Variants in IHO1 observed in about 807,000 individuals in gnomAD.
IHO1 encodes the protein interactor of HORMAD1 1.
Under a neutral mutation model 31.0 loss-of-function variants are expected in IHO1, and 13 were observed. The observed-to-expected ratio is 0.42, with a 90% confidence interval of 0.27 to 0.67. The LOEUF (loss-of-function observed/expected upper bound fraction) is 0.67, where lower values mean the gene tolerates loss of function less well. IHO1 is among the 30% of genes least tolerant of loss of function. The pLI is 0.24. For synonymous variants in IHO1, 221 were observed against 248.4 expected (o/e 0.89, Z 1.04); for missense variants, 599 against 687.5 (o/e 0.87, Z 1.44).
chr3:49,225,469 A>T (rs889016211), intron 2 of IHO1, among the ~76,000 whole-genome samples: 1 of 152,178 alleles, frequency 6.6e-6, no homozygotes, highest in Non-Finnish European at 1.5e-5. Context: ...TCTCAAAAAA[A>T]AAAAAAGAAA....
chr3:49,199,316 G>A (rs777643881), upstream of IHO1, among the ~76,000 whole-genome samples: 2 of 152,232 alleles, frequency 1.3e-5, no homozygotes, highest in Non-Finnish European at 2.9e-5. Flanking sequence ...GGCGAGGGCG[G>A]GGCCCTGGGG....
rs189169572 is a variant in IHO1, at chr3:49,230,704, T to C, written c.57-5844T>C. The stretch of plus-strand genomic sequence containing the variant: ...TTATAGCTTCTGACAAAATTCAGAC[T>C]AATACTCCTTACTCCTACTTGGCGA... On this transcript the variant is annotated intron_variant, in intron 2 of 7. Transcript: ENST00000452691. Among the ~76,000 whole-genome samples, 18 of 152,330 alleles carry C rather than the reference T, an allele frequency of 1.2e-4. No homozygotes were observed. The East Asian group carries it at 2.5e-3, about 21-fold the overall frequency.
chr3:49,219,909 C>T (rs1310627850), intron 2 of IHO1, among the ~76,000 whole-genome samples: 2 of 152,178 alleles, frequency 1.3e-5, no homozygotes, highest in South Asian at 2.1e-4. Context: ...AGCAGGTTTG[C>T]TTGCCAGCTA....
At chr3:49,219,973 C>T (rs1425129727) in intron 2 of IHO1, among the ~76,000 whole-genome samples, 3 of 152,194 alleles carry the variant, frequency 2.0e-5, no homozygotes, top group African/African-American at 7.2e-5. Flanking sequence ...TGCACCCCCT[C>T]CTTATTTTGA....
intron 2 of IHO1, among the ~76,000 whole-genome samples, chr3:49,217,794 A>G (rs928418317): frequency 2.0e-5 from 3 of 152,226 alleles, no homozygotes; most frequent in Non-Finnish European, 2.9e-5. Context: ...TAAGGAGCGC[A>G]CAACCTAGAT....
At chr3:49,232,779 T>G (rs1039072886) in intron 2 of IHO1, among the ~76,000 whole-genome samples, 11 of 152,218 alleles carry the variant, frequency 7.2e-5, no homozygotes, top group Admixed American at 7.2e-4. Context: ...TTAATGATAG[T>G]TATGATAGCG....
At position 49,222,276 on chromosome 3, in the gene IHO1, C is replaced by T. The variant is rs557278277; in HGVS notation, c.56+10440C>T. On this transcript the variant is annotated intron_variant, in intron 2 of 7. Coordinates refer to ENST00000452691, the MANE Select transcript of IHO1 (RefSeq NM_001135197.2). ...AGCTACAAAGCCAACAGTCATTTGCCAGGGAAGGATTGGACTGGTTTAACA... is the reference window on the plus strand; with the variant it reads ...AGCTACAAAGCCAACAGTCATTTGCTAGGGAAGGATTGGACTGGTTTAACA... 3.3e-5 allele frequency among the ~76,000 whole-genome samples: 5 copies of T among 152,186 alleles called. No individual in the cohort carries two copies. In the South Asian group the frequency reaches 8.3e-4, roughly 25 times the overall value.
intron 6 of IHO1, among the ~76,000 whole-genome samples, chr3:49,249,295 G>A (rs1391647953): frequency 1.3e-5 from 2 of 151,538 alleles, no homozygotes; most frequent in African/African-American, 4.8e-5. Context: ...TTTTGAGATG[G>A]AGTTTCGCTC....
chr3:49,257,222 G>A lies in IHO1; in HGVS notation c.1725G>A (p.Glu575=), dbSNP rs1010816570. Residue 575 remains glutamate (E), a synonymous_variant, in exon 8 of 8, where the codon GAG becomes GAA. Coordinates refer to ENST00000452691, the MANE Select transcript of IHO1 (RefSeq NM_001135197.2). ...LGCSETPLCK[E]AGKNLLYDLG... is the part of the protein sequence containing the mutation. ...GTTCAGAGACCCCTCTATGCAAGGAGGCAGGAAAGAATTTGCTCTATGACC... is the reference window on the plus strand; with the variant it reads ...GTTCAGAGACCCCTCTATGCAAGGAAGCAGGAAAGAATTTGCTCTATGACC... The A allele has an allele frequency of 2.5e-6, 4 of 1,614,068 alleles. No individual in the cohort carries two copies. Among genetic ancestry groups the A allele is most frequent in the Admixed American group, 1.7e-5 (1 of 59,982 alleles).
chr3:49,217,749 G>A (rs2046307387), intron 2 of IHO1, among the ~76,000 whole-genome samples: 1 of 152,234 alleles, frequency 6.6e-6, no homozygotes, highest in Non-Finnish European at 1.5e-5. Flanking sequence ...TGGGTGATGG[G>A]AGACAGTGAC....
intron 2 of IHO1, among the ~76,000 whole-genome samples, chr3:49,233,086 C>G (rs1466465921): frequency 6.6e-6 from 1 of 152,098 alleles, no homozygotes; most frequent in African/African-American, 2.4e-5. Context: ...CGTAACGATT[C>G]CTGTGGAATC....
chr3:49,239,616 G>T (rs996410999), intron 3 of IHO1, among the ~76,000 whole-genome samples: 1 of 151,468 alleles, frequency 6.6e-6, no homozygotes, highest in African/African-American at 2.4e-5. Flanking sequence ...TAGGGATGGG[G>T]TTTAGCCATG....
intron 2 of IHO1, among the ~76,000 whole-genome samples, chr3:49,212,537 G>A (rs963099764): frequency 1.3e-5 from 2 of 151,800 alleles, no homozygotes; most frequent in South Asian, 2.1e-4. Flanking sequence ...AAAAAAGAGG[G>A]TTCCCTTCCC....
At chr3:49,194,284 T>G (rs1249637163), upstream of IHO1, among the ~76,000 whole-genome samples, 2 of 92,736 alleles carry the variant, frequency 2.2e-5, no homozygotes, top group Non-Finnish European at 4.0e-5. Context: ...AAAAAAAAAG[T>G]ACAAAGTGTA....
chr3:49,244,229 CT>C (rs1325237976), intron 4 of IHO1, among the ~76,000 whole-genome samples, 174 bp from the exon 5 acceptor site: 3 of 151,100 alleles, frequency 2.0e-5, no homozygotes, highest in Non-Finnish European at 4.4e-5. Context: ...CTGGGACTCT[CT>C]TTTTTTTTCC....
intron 3 of IHO1, among the ~76,000 whole-genome samples, chr3:49,240,517 C>T (rs1361720120): frequency 6.6e-6 from 1 of 152,198 alleles, no homozygotes; most frequent in African/African-American, 2.4e-5. Flanking sequence ...AGCCACCACA[C>T]CCGACCAATT....
intron 2 of IHO1, among the ~76,000 whole-genome samples, chr3:49,224,673 C>A (rs1021154949): frequency 1.3e-5 from 2 of 152,194 alleles, no homozygotes; most frequent in African/African-American, 4.8e-5. Context: ...ATAACCTGCC[C>A]TTCGTATCCC....
intron 6 of IHO1, among the ~76,000 whole-genome samples, chr3:49,254,803 C>G (rs542171474): frequency 8.5e-5 from 13 of 152,294 alleles, no homozygotes; most frequent in African/African-American, 3.1e-4. Context: ...GTGGCTCACG[C>G]CTGTAATCCC....
intron 2 of IHO1, among the ~76,000 whole-genome samples, chr3:49,231,380 A>G (rs1294533328): frequency 1.3e-5 from 2 of 152,204 alleles, no homozygotes; most frequent in African/African-American, 2.4e-5. Context: ...ATTTAAACCA[A>G]TTGAAGGTGC....
Sources: allele counts gnomAD v4.1 joint callset (sites outside exome capture counted in the v4.1 genomes callset), GRCh38; gene constraint gnomAD v4.1.1; transcripts MANE v1.5; gene names NCBI Gene and HGNC (gene_info 2026-07-23, HGNC 2026-07-21).